Variants in ASXL3 observed in about 807,000 individuals in gnomAD.
ASXL3 encodes the protein ASXL transcriptional regulator 3, also known as putative Polycomb group protein ASXL3.
Under a neutral mutation model 170.6 loss-of-function variants are expected in ASXL3, and 34 were observed. The observed-to-expected ratio is 0.20, with a 90% confidence interval of 0.15 to 0.27. ASXL3 has a LOEUF of 0.27. Ranked by LOEUF, ASXL3 falls within the 10% of genes least tolerant of loss-of-function variation. The probability of loss-of-function intolerance (pLI) is 1.00; values close to 1 mark genes in which losing one functional copy is unlikely to be tolerated. For missense variants in ASXL3, 2,592 were observed against 2,695.3 expected, an observed-to-expected ratio of 0.96 and a Z score of 0.85; for synonymous variants, 1,002 against 989.1, an observed-to-expected ratio of 1.01 and a Z score of -0.24.
At chr18:33,663,716 T>A (rs8093365) in intron 5 of ASXL3, among the ~76,000 whole-genome samples, 10 of 152,150 alleles carry the variant, frequency 6.6e-5, no homozygotes, top group Non-Finnish European at 1.5e-5. Flanking sequence ...TGATTAATAA[T>A]CAAATTCAGA....
chr18:33,717,575 A>G (rs936047280), intron 8 of ASXL3, among the ~76,000 whole-genome samples: 1 of 152,158 alleles, frequency 6.6e-6, no homozygotes, highest in Non-Finnish European at 1.5e-5. Context: ...TGAAGATAAC[A>G]GAGCTGGGCT....
chr18:33,642,565 G>T lies in ASXL3; in HGVS notation c.138-2329G>T, dbSNP rs1394491772. Among the ~76,000 whole-genome samples, 3 of 151,786 alleles carry T rather than the reference G, an allele frequency of 2.0e-5. No individual in the cohort carries two copies. The East Asian group carries it at 5.8e-4, about 29-fold the overall frequency. ...TTTGAAATAAAACAAGTTTCTTTTG[G>T]GAAAGATTTATAGAAATTGCAATAG... On this transcript the variant is annotated intron_variant, in intron 2 of 11. Transcript: ENST00000269197.
At chr18:33,624,517 A>C (rs1253907115) in intron 2 of ASXL3, among the ~76,000 whole-genome samples, 1 of 151,964 alleles carries the variant, frequency 6.6e-6, no homozygotes, top group Non-Finnish European at 1.5e-5. Context: ...CAACCTTCTG[A>C]ATGTATGATA....
At chr18:33,674,445 A>G (rs1256064546) in intron 7 of ASXL3, among the ~76,000 whole-genome samples, 3 of 152,222 alleles carry the variant, frequency 2.0e-5, no homozygotes, top group South Asian at 4.1e-4. Context: ...TTTACTGGGT[A>G]GGAACTGTGA....
chr18:33,619,256 CTG>C (rs2065473509), intron 2 of ASXL3, among the ~76,000 whole-genome samples: 2 of 152,042 alleles, frequency 1.3e-5, no homozygotes, highest in Non-Finnish European at 2.9e-5. Context: ...TCTAATAAAA[CTG>C]TGATTTAAAA....
intron 7 of ASXL3, among the ~76,000 whole-genome samples, chr18:33,678,806 C>T (rs933771020): frequency 3.3e-5 from 5 of 152,050 alleles, no homozygotes; most frequent in South Asian, 2.1e-4. Flanking sequence ...TAAGAGTACA[C>T]GTGTAAGGAT....
At chr18:33,732,502 C>G (rs1282973675) in intron 9 of ASXL3, among the ~76,000 whole-genome samples, 1 of 152,102 alleles carries the variant, frequency 6.6e-6, no homozygotes, top group Non-Finnish European at 1.5e-5. Flanking sequence ...CCTCTTTACA[C>G]ACTCAAACTT....
intron 8 of ASXL3, among the ~76,000 whole-genome samples, chr18:33,685,164 T>C (rs1244608260): frequency 6.6e-6 from 1 of 152,174 alleles, no homozygotes; most frequent in East Asian, 1.9e-4. Context: ...AAGAGAATGA[T>C]AGGCATGGGA....
At chr18:33,591,931 A>T (rs1427424140) in intron 1 of ASXL3, among the ~76,000 whole-genome samples, 6 of 146,754 alleles carry the variant, frequency 4.1e-5, no homozygotes, top group Non-Finnish European at 9.1e-5. Flanking sequence ...AACACTACTT[A>T]TTTTTTTTTT....
chr18:33,633,004 C>T (rs909065184), intron 2 of ASXL3, among the ~76,000 whole-genome samples: 6 of 152,194 alleles, frequency 3.9e-5, no homozygotes, highest in Non-Finnish European at 7.3e-5. Context: ...TCTTCTACTC[C>T]TCGCTCTGGA....
intron 8 of ASXL3, among the ~76,000 whole-genome samples, chr18:33,694,218 C>G (rs1236092139): frequency 6.6e-6 from 1 of 152,082 alleles, no homozygotes; most frequent in African/African-American, 2.4e-5. Flanking sequence ...GGGTTTGTAG[C>G]CAGACATGCC....
At chr18:33,627,264 A>G (rs1384884598) in intron 2 of ASXL3, among the ~76,000 whole-genome samples, 2 of 152,124 alleles carry the variant, frequency 1.3e-5, no homozygotes, top group Non-Finnish European at 2.9e-5. Flanking sequence ...TGTCGCTCAC[A>G]TATGTTATTT....
At chr18:33,729,500 G>T (rs374766658) in intron 8 of ASXL3, among the ~76,000 whole-genome samples, 45 of 152,262 alleles carry the variant, frequency 3.0e-4, no homozygotes, top group African/African-American at 1.0e-3. Context: ...ATATAAAGTG[G>T]AGTATCAGAA....
intron 8 of ASXL3, among the ~76,000 whole-genome samples, 172 bp from the exon 9 acceptor site, chr18:33,731,796 T>C (rs949031962): frequency 6.6e-6 from 1 of 152,094 alleles, no homozygotes; most frequent in Non-Finnish European, 1.5e-5. Context: ...CTGCACATGC[T>C]CTCGCTGGAG....
rs1298057587 is a variant in ASXL3 at position 33,750,138 on chromosome 18, C to T, written c.*3543C>T. Reference sequence around the variant, plus strand: ...AATGACCCCCTGAGCATGCAGAGCCCAGAGTCACTGTCCATCTGCGTTCCC... The same window carrying T: ...AATGACCCCCTGAGCATGCAGAGCCTAGAGTCACTGTCCATCTGCGTTCCC... On this transcript the variant is annotated 3_prime_UTR_variant, in exon 12 of 12. Coordinates refer to ENST00000269197, the MANE Select transcript of ASXL3 (RefSeq NM_030632.3). The T allele has an allele frequency of 1.3e-5, 2 of 152,272 alleles. No individual in the cohort carries two copies. The highest frequency in any genetic ancestry group is 4.8e-5 in the African/African-American group (2 of 41,454). 9.4% of individuals were successfully genotyped at this position (152,272 alleles called of 1,614,324 possible).
chr18:33,676,227 A>AAAAAAAAAAAAAAAAAG, intron 7 of ASXL3, among the ~76,000 whole-genome samples: 1 of 147,818 alleles, frequency 6.8e-6, no homozygotes, highest in African/African-American at 2.5e-5. Context: ...CGTCTCAAAA[A>AAAAAAAAAAAAAAAAAG]AAAAAAAAAA....
At position 33,693,894 on chromosome 18, in the gene ASXL3, T is replaced by A. The variant is rs1054103221; in HGVS notation, c.879+10326T>A. ...GGTTGATTATGAGGTTCAGGCAGCATAGGAAGGAAAGTAAGGTTGGAGGAG... is the reference window on the plus strand; with the variant it reads ...GGTTGATTATGAGGTTCAGGCAGCAAAGGAAGGAAAGTAAGGTTGGAGGAG... On this transcript the variant is annotated intron_variant, in intron 8 of 11. Coordinates refer to ENST00000269197, the MANE Select transcript of ASXL3 (RefSeq NM_030632.3). 9.9e-5 allele frequency among the ~76,000 whole-genome samples: 15 copies of A among 152,064 alleles called. 1 individual carries two copies. Among genetic ancestry groups the A allele is most frequent in the Non-Finnish European group, 1.9e-4 (13 of 68,004 alleles).
chr18:33,623,329 A>T (rs1437650246), intron 2 of ASXL3, among the ~76,000 whole-genome samples: 1 of 152,070 alleles, frequency 6.6e-6, no homozygotes, highest in Non-Finnish European at 1.5e-5. Flanking sequence ...TCTCTTCCCC[A>T]TGGTGTCCTT....
At chr18:33,604,094 T>G (rs2065217226) in intron 1 of ASXL3, among the ~76,000 whole-genome samples, 1 of 152,038 alleles carries the variant, frequency 6.6e-6, no homozygotes, top group African/African-American at 2.4e-5. Context: ...TAAGAAAGAT[T>G]AATTGTTAGC....
Sources: allele counts gnomAD v4.1 joint callset (sites outside exome capture counted in the v4.1 genomes callset), GRCh38; gene constraint gnomAD v4.1.1; transcripts MANE v1.5; gene names NCBI Gene and HGNC (gene_info 2026-07-23, HGNC 2026-07-21).